Variants in FAM135B observed in about 807,000 individuals in gnomAD.
FAM135B encodes protein FAM135B.
In FAM135B, 43 loss-of-function variants were observed where a neutral mutation model predicts 127.7. That is an observed-to-expected ratio of 0.34 (90% CI 0.26 to 0.43). The LOEUF is 0.43. Among genes scored for constraint, FAM135B ranks in the 20% least tolerant of loss-of-function variants. The pLI, the probability that FAM135B is intolerant of heterozygous loss-of-function variation, is 1.00. For missense variants in FAM135B, 1,558 were observed against 1,725.6 expected (o/e 0.90, Z 1.72); for synonymous variants, 670 against 665.1 (o/e 1.01, Z -0.11).
At chr8:138,432,994 GA>G (rs2131513333) in intron 1 of FAM135B, among the ~76,000 whole-genome samples, 1 of 152,158 alleles carries the variant, frequency 6.6e-6, no homozygotes, top group South Asian at 2.1e-4. Context: ...GACTGACGGG[GA>G]AAATACAAAG....
intron 1 of FAM135B, among the ~76,000 whole-genome samples, chr8:138,494,937 C>T (rs1343104029): frequency 6.6e-6 from 1 of 152,036 alleles, no homozygotes; most frequent in East Asian, 1.9e-4. Context: ...ACCTTCAGCA[C>T]TTGTAGGCAA....
chr8:138,323,145 T>C (rs1366647076), intron 2 of FAM135B, among the ~76,000 whole-genome samples: 1 of 152,220 alleles, frequency 6.6e-6, no homozygotes, highest in Non-Finnish European at 1.5e-5. Context: ...CACAATATAA[T>C]AATTCATTCA....
intron 7 of FAM135B, among the ~76,000 whole-genome samples, chr8:138,240,317 A>G (rs950509165): frequency 2.0e-5 from 3 of 152,148 alleles, no homozygotes; most frequent in South Asian, 2.1e-4. Flanking sequence ...TTTGTAACAG[A>G]GTCTGGTGGA....
intron 1 of FAM135B, among the ~76,000 whole-genome samples, chr8:138,490,371 G>T (rs961517789): frequency 1.3e-5 from 2 of 152,224 alleles, no homozygotes; most frequent in Admixed American, 6.5e-5. Context: ...AAGCCACAGG[G>T]TTGCACTGAG....
chr8:138,363,016 C>A (rs886502689), intron 2 of FAM135B, among the ~76,000 whole-genome samples: 1 of 152,042 alleles, frequency 6.6e-6, no homozygotes, highest in Admixed American at 6.5e-5. Flanking sequence ...TGTCAATATG[C>A]AGAAATGGTT....
At chr8:138,186,606 C>A (rs1028086471) in intron 9 of FAM135B, among the ~76,000 whole-genome samples, 1 of 152,138 alleles carries the variant, frequency 6.6e-6, no homozygotes. Flanking sequence ...CGGAAGCACA[C>A]CCCCATACAC....
At chr8:138,430,002 G>T (rs1350980440) in intron 1 of FAM135B, among the ~76,000 whole-genome samples, 2 of 152,128 alleles carry the variant, frequency 1.3e-5, no homozygotes. Flanking sequence ...TTTCTACTAT[G>T]CCGAGTTTCT....
chr8:138,318,243 G>A (rs1827221713), intron 2 of FAM135B, among the ~76,000 whole-genome samples: 1 of 152,100 alleles, frequency 6.6e-6, no homozygotes, highest in Admixed American at 6.5e-5. Context: ...TTTAATAAAA[G>A]ATCTATGTAT....
chr8:138,444,243 G>C (rs1374771763), intron 1 of FAM135B, among the ~76,000 whole-genome samples: 2 of 152,070 alleles, frequency 1.3e-5, no homozygotes, highest in Admixed American at 1.3e-4. Context: ...ACAGGTCAAC[G>C]AGACAGAAAG....
intron 2 of FAM135B, among the ~76,000 whole-genome samples, chr8:138,324,856 C>T (rs1827695061): frequency 1.3e-5 from 2 of 152,124 alleles, no homozygotes; most frequent in Admixed American, 1.3e-4. Flanking sequence ...AATTAAAAGT[C>T]CTGGTTTTAT....
At chr8:138,475,851 C>G (rs1225329874) in intron 1 of FAM135B, among the ~76,000 whole-genome samples, 3 of 152,198 alleles carry the variant, frequency 2.0e-5, no homozygotes, top group African/African-American at 4.8e-5. Context: ...ATCCAGCAAT[C>G]ATGCCCTTTG....
At chr8:138,310,354 T>C (rs1316970114) in intron 3 of FAM135B, among the ~76,000 whole-genome samples, 1 of 152,214 alleles carries the variant, frequency 6.6e-6, no homozygotes, top group Non-Finnish European at 1.5e-5. Flanking sequence ...CACTTTGTAC[T>C]CCAGCCTTCT....
intron 9 of FAM135B, among the ~76,000 whole-genome samples, chr8:138,190,343 CT>C (rs1229725357): frequency 6.6e-6 from 1 of 152,178 alleles, no homozygotes. Context: ...GAATGGTTGG[CT>C]GGACATGCCT....
At chr8:138,176,793 T>C (rs1266059413) in intron 11 of FAM135B, among the ~76,000 whole-genome samples, 2 of 152,120 alleles carry the variant, frequency 1.3e-5, no homozygotes, top group Non-Finnish European at 1.5e-5. Flanking sequence ...ACAAAACATA[T>C]TGGAAGATTC....
rs1817113691 is a variant in FAM135B at position 138,141,192 on chromosome 8, T to C, written c.3790+6A>G. ...TGAGGAATGACGAGTCCTAGAAGAATCTTACCTGTACTAACCAGGGTGCTG... is the reference window on the plus strand; with the variant it reads ...TGAGGAATGACGAGTCCTAGAAGAACCTTACCTGTACTAACCAGGGTGCTG... On this transcript the variant is annotated splice_donor_region_variant and intron_variant, in intron 17 of 19. Transcript: ENST00000395297. This position sits in a 1 kb window ranked among gnomAD's most constrained non-coding sequence, Gnocchi z 4.7. 2 of 1,613,792 alleles carry C rather than the reference T, an allele frequency of 1.2e-6. No homozygotes were observed. Among genetic ancestry groups the C allele is most frequent in the Non-Finnish European group, 1.7e-6 (2 of 1,179,884 alleles).
chr8:138,444,685 C>T (rs1384660127), intron 1 of FAM135B, among the ~76,000 whole-genome samples: 1 of 151,842 alleles, frequency 6.6e-6, no homozygotes, highest in African/African-American at 2.4e-5. Flanking sequence ...ACTAAATGCC[C>T]ACAAGAGAAA....
At chr8:138,159,489 C>A (rs1000305216) in intron 12 of FAM135B, among the ~76,000 whole-genome samples, 3 of 150,322 alleles carry the variant, frequency 2.0e-5, no homozygotes, top group African/African-American at 7.3e-5. Context: ...TCATTCTGAG[C>A]AAACTATCGC....
intron 14 of FAM135B, 138 bp downstream of exon 14, chr8:138,148,382 G>C: frequency 1.4e-6 from 1 of 707,060 alleles, no homozygotes; most frequent in Non-Finnish European, 2.3e-6. Flanking sequence ...CATTTCCTTA[G>C]ATTCATCATA....
chr8:138,446,005 C>G (rs1836134887), intron 1 of FAM135B, among the ~76,000 whole-genome samples: 1 of 152,096 alleles, frequency 6.6e-6, no homozygotes, highest in Non-Finnish European at 1.5e-5. Context: ...TCTTATACAC[C>G]AATAATGGAA....
Sources: allele counts gnomAD v4.1 joint callset (sites outside exome capture counted in the v4.1 genomes callset), GRCh38; gene constraint gnomAD v4.1.1; non-coding constraint Gnocchi (gnomAD v3.1); transcripts MANE v1.5; gene names NCBI Gene and HGNC (gene_info 2026-07-23, HGNC 2026-07-21).